The following ITPR2 variants were observed in gnomAD, a reference collection of about 807,000 sequenced individuals.
ITPR2 encodes inositol 1,4,5-trisphosphate receptor type 2, also known as inositol 1,4,5-trisphosphate-gated calcium channel ITPR2.
A neutral mutation model predicts 317.1 loss-of-function variants in ITPR2; 207 were observed. The ratio of observed to expected loss-of-function variants is 0.65; its 90% CI spans 0.58 to 0.73. ITPR2 has a LOEUF of 0.73. Among genes scored for constraint, ITPR2 ranks in the 30% least tolerant of loss-of-function variants. The pLI is 0.00. For missense variants in ITPR2, 2,613 were observed against 3,284.0 expected (o/e 0.80, Z 4.99); for synonymous variants, 1,156 against 1,149.1 (o/e 1.01, Z -0.12).
intron 41 of ITPR2, among the ~76,000 whole-genome samples, chr12:26,485,732 T>A (rs1035854671): frequency 7.9e-5 from 12 of 152,172 alleles, no homozygotes; most frequent in Non-Finnish European, 1.6e-4. Flanking sequence ...GGCTTGAAAA[T>A]AATGAAAGCC....
chr12:26,519,957 ACT>A (rs1047255748), intron 37 of ITPR2, among the ~76,000 whole-genome samples: 8 of 152,276 alleles, frequency 5.3e-5, no homozygotes, highest in African/African-American at 1.9e-4. Flanking sequence ...ACATAAAGAA[ACT>A]CTGAAAACAT....
At chr12:26,772,474 A>ATG (rs1323958258) in intron 2 of ITPR2, among the ~76,000 whole-genome samples, 18 of 81,928 alleles carry the variant, frequency 2.2e-4, no homozygotes, top group East Asian at 2.0e-3. Context: ...CATGTATTAT[A>ATG]TATAATATAT....
At chr12:26,678,775 C>T (rs1381049617) in intron 13 of ITPR2, among the ~76,000 whole-genome samples, 2 of 152,180 alleles carry the variant, frequency 1.3e-5, no homozygotes, top group African/African-American at 4.8e-5. Flanking sequence ...AAAATGCATG[C>T]TCTCTAGTCA....
At chr12:26,676,137 G>A (rs949504357) in intron 13 of ITPR2, among the ~76,000 whole-genome samples, 15 of 151,784 alleles carry the variant, frequency 9.9e-5, no homozygotes, top group African/African-American at 3.4e-4. Context: ...CAGCCTGGGC[G>A]ACAGAGCAAG....
At chr12:26,446,732 C>CAAAA (rs34601956) in intron 45 of ITPR2, among the ~76,000 whole-genome samples, 1,746 of 122,442 alleles carry the variant, frequency 0.014, 65 homozygotes, top group South Asian at 0.034. Context: ...AAAAGGGACT[C>CAAAA]AAAAAAAAAA....
chr12:26,773,491 T>C (rs887442347), intron 2 of ITPR2, among the ~76,000 whole-genome samples: 2 of 152,178 alleles, frequency 1.3e-5, no homozygotes, highest in African/African-American at 2.4e-5. Flanking sequence ...CTTACCCCAC[T>C]ATACCACATG....
At chr12:26,575,643 A>G (rs1255312649) in intron 34 of ITPR2, among the ~76,000 whole-genome samples, 1 of 152,214 alleles carries the variant, frequency 6.6e-6, no homozygotes, top group African/African-American at 2.4e-5. Context: ...ACGAAAAGGA[A>G]CTAAAATTTC....
chr12:26,605,436 C>A lies in ITPR2; in HGVS notation c.3463-2730G>T, dbSNP rs375323202. Among the ~76,000 whole-genome samples the A allele has an allele frequency of 5.9e-5, 9 of 152,114 alleles. No homozygotes were observed. The South Asian group carries it at 1.9e-3, about 32-fold the overall frequency. ...ATACTAAAACATATACACACAAACACACACACTTGTACCACAAACCAGGAT... is the reference window on the plus strand; with the variant it reads ...ATACTAAAACATATACACACAAACAAACACACTTGTACCACAAACCAGGAT... On this transcript the variant is annotated intron_variant, in intron 26 of 56. Transcript: ENST00000381340.
At chr12:26,376,693 TTTC>T (rs1939355396) in intron 55 of ITPR2, among the ~76,000 whole-genome samples, 1 of 151,122 alleles carries the variant, frequency 6.6e-6, no homozygotes, top group Non-Finnish European at 1.5e-5. Flanking sequence ...AAATCAATTC[TTTC>T]TTTTTTTTTC....
At chr12:26,344,777 A>G (rs558149343) in intron 55 of ITPR2, among the ~76,000 whole-genome samples, 2 of 152,384 alleles carry the variant, frequency 1.3e-5, no homozygotes, top group Admixed American at 1.3e-4. Context: ...TCTCGTGCTT[A>G]TGGAACATAT....
chr12:26,654,517 G>T (rs548580476), intron 20 of ITPR2, among the ~76,000 whole-genome samples: 18 of 152,240 alleles, frequency 1.2e-4, no homozygotes, highest in African/African-American at 4.3e-4. Flanking sequence ...ATGCTGCTTT[G>T]TGGTCTTGTG....
intron 37 of ITPR2, among the ~76,000 whole-genome samples, chr12:26,497,953 C>G (rs1368788385): frequency 6.6e-6 from 1 of 152,056 alleles, no homozygotes; most frequent in Non-Finnish European, 1.5e-5. Flanking sequence ...CAGAGCTGGT[C>G]TCGAACTCCT....
intron 45 of ITPR2, among the ~76,000 whole-genome samples, chr12:26,449,912 C>A (rs1410074279): frequency 6.6e-6 from 1 of 152,182 alleles, no homozygotes; most frequent in East Asian, 1.9e-4. Flanking sequence ...TGATCTTATT[C>A]AGAAACAGGA....
intron 35 of ITPR2, among the ~76,000 whole-genome samples, chr12:26,557,813 C>A (rs1276459643): frequency 6.6e-6 from 1 of 152,116 alleles, no homozygotes; most frequent in Non-Finnish European, 1.5e-5. Flanking sequence ...CCTAAACATT[C>A]TTTAATGGTT....
chr12:26,365,274 A>T (rs1938971070), intron 55 of ITPR2, among the ~76,000 whole-genome samples: 1 of 152,216 alleles, frequency 6.6e-6, no homozygotes, highest in South Asian at 2.1e-4. Context: ...TGATTCCTGA[A>T]ACCTGGGTAC....
intron 34 of ITPR2, among the ~76,000 whole-genome samples, chr12:26,566,785 AAT>A (rs1228822122): frequency 6.6e-6 from 1 of 152,152 alleles, no homozygotes; most frequent in East Asian, 1.9e-4. Context: ...CAAAGCATGC[AAT>A]ATCTCTGTTT....
intron 26 of ITPR2, among the ~76,000 whole-genome samples, chr12:26,620,775 G>C (rs574297300): frequency 2.6e-5 from 4 of 152,222 alleles, no homozygotes; most frequent in Admixed American, 2.0e-4. Context: ...CACAGCAAAA[G>C]GGTCCACAAA....
chr12:26,635,248 C>T (rs2136843993), intron 21 of ITPR2, among the ~76,000 whole-genome samples: 1 of 152,312 alleles, frequency 6.6e-6, no homozygotes, highest in Non-Finnish European at 1.5e-5. Context: ...GGTTCAACAA[C>T]CACTAGCAGC....
chr12:26,579,247 T>C (rs1945339789), intron 33 of ITPR2, among the ~76,000 whole-genome samples: 1 of 152,164 alleles, frequency 6.6e-6, no homozygotes, highest in Non-Finnish European at 1.5e-5. Flanking sequence ...TTCCTATGGT[T>C]CTATCTAATA....
Sources: allele counts gnomAD v4.1 joint callset (sites outside exome capture counted in the v4.1 genomes callset), GRCh38; gene constraint gnomAD v4.1.1; transcripts MANE v1.5; gene names NCBI Gene and HGNC (gene_info 2026-07-23, HGNC 2026-07-21).